Variants in CSMD1 observed in about 807,000 individuals in gnomAD.
The protein encoded by CSMD1 is CUB and Sushi multiple domains 1.
In CSMD1, 213 loss-of-function variants were observed where a neutral mutation model predicts 417.5. That is an observed-to-expected ratio of 0.51 (90% CI 0.46 to 0.57). CSMD1 has a LOEUF of 0.57. Among genes scored for constraint, CSMD1 ranks in the 20% least tolerant of loss-of-function variants. The probability of loss-of-function intolerance (pLI) is 0.00; values close to 1 mark genes in which losing one functional copy is unlikely to be tolerated. For missense variants in CSMD1, 6,923 were observed against 4,529.7 expected, an observed-to-expected ratio of 1.53 and a Z score of -15.17; for synonymous variants, 2,862 against 1,736.8, an observed-to-expected ratio of 1.65 and a Z score of -16.11.
At chr8:4,809,804 G>C (rs879707183) in intron 1 of CSMD1, among the ~76,000 whole-genome samples, 47 of 152,084 alleles carry the variant, frequency 3.1e-4, no homozygotes, top group Non-Finnish European at 7.4e-5. Flanking sequence ...TGTATTTTAT[G>C]CTTCTAGTAC....
At chr8:3,129,280 A>G (rs1163412209) in intron 41 of CSMD1, among the ~76,000 whole-genome samples, 1 of 152,188 alleles carries the variant, frequency 6.6e-6, no homozygotes, top group East Asian at 1.9e-4. Context: ...GATTTTTGTA[A>G]ATATTAAATA....
intron 2 of CSMD1, among the ~76,000 whole-genome samples, chr8:4,486,262 T>TATATATACATAC (rs1305451210): frequency 2.9e-5 from 4 of 135,608 alleles, no homozygotes; most frequent in African/African-American, 1.2e-4. Context: ...TATATATATA[T>TATATATACATAC]ATATATATAT....
chr8:4,343,338 C>A (rs557274830), intron 3 of CSMD1, among the ~76,000 whole-genome samples: 5 of 151,888 alleles, frequency 3.3e-5, no homozygotes, highest in African/African-American at 1.2e-4. Flanking sequence ...GAATACATTC[C>A]GGAGATCTAA....
At position 3,412,172 on chromosome 8, in the gene CSMD1, A is replaced by G. The variant is rs906527277; in HGVS notation, c.1562-2567T>C. On this transcript the variant is annotated intron_variant, in intron 12 of 69. Transcript: ENST00000635120. ...TATACACACGTATATATACATATAT[A>G]CATATATATACACACATATACATAC... 6.9e-5 allele frequency among the ~76,000 whole-genome samples: 10 copies of G among 145,472 alleles called. 2 individuals carry two copies. Among genetic ancestry groups the G allele is most frequent in the Admixed American group, 4.2e-4 (6 of 14,150 alleles).
intron 3 of CSMD1, among the ~76,000 whole-genome samples, chr8:4,352,147 A>G (rs1243670342): frequency 6.6e-6 from 1 of 152,192 alleles, no homozygotes; most frequent in African/African-American, 2.4e-5. Context: ...CCAACTCAGA[A>G]TATCATTTTT....
chr8:3,040,790 G>A (rs993376043), intron 50 of CSMD1, among the ~76,000 whole-genome samples: 3 of 151,836 alleles, frequency 2.0e-5, no homozygotes, highest in Non-Finnish European at 2.9e-5. Context: ...GTGGCAGAGT[G>A]AGACTCCAGC....
chr8:3,455,401 TCTC>T (rs1816047547), intron 12 of CSMD1, among the ~76,000 whole-genome samples: 1 of 152,212 alleles, frequency 6.6e-6, no homozygotes, highest in Non-Finnish European at 1.5e-5. Flanking sequence ...ATTTTTAGAG[TCTC>T]CAGTTTTTCT....
chr8:4,778,275 G>A (rs1328664717), intron 1 of CSMD1, among the ~76,000 whole-genome samples: 2 of 152,080 alleles, frequency 1.3e-5, no homozygotes, highest in African/African-American at 4.8e-5. Flanking sequence ...CACATGGGCT[G>A]GTCATCTAAT....
At chr8:4,273,039 A>G (rs1169121388) in intron 3 of CSMD1, among the ~76,000 whole-genome samples, 2 of 152,186 alleles carry the variant, frequency 1.3e-5, no homozygotes, top group Non-Finnish European at 1.5e-5. Flanking sequence ...TATCATTTAA[A>G]AATGGGGATC....
chr8:4,050,448 G>C (rs538567132), intron 3 of CSMD1, among the ~76,000 whole-genome samples: 1 of 151,582 alleles, frequency 6.6e-6, no homozygotes, highest in Non-Finnish European at 1.5e-5. Flanking sequence ...ATACTTATGG[G>C]GTACATATTT....
At chr8:3,167,958 G>A (rs993091660) in intron 37 of CSMD1, among the ~76,000 whole-genome samples, 4 of 151,926 alleles carry the variant, frequency 2.6e-5, no homozygotes, top group African/African-American at 7.3e-5. Flanking sequence ...AGGACAAATG[G>A]GACTTTTGTA....
intron 3 of CSMD1, among the ~76,000 whole-genome samples, chr8:4,193,611 G>A (rs985908899): frequency 6.6e-6 from 1 of 152,104 alleles, no homozygotes; most frequent in African/African-American, 2.4e-5. Context: ...GGCCCTCTGA[G>A]GAGCCAATGA....
At chr8:4,181,802 CTATGCAGCAAATG>C (rs1174755334) in intron 3 of CSMD1, among the ~76,000 whole-genome samples, 1 of 152,118 alleles carries the variant, frequency 6.6e-6, no homozygotes, top group African/African-American at 2.4e-5. Context: ...GACTAATTGA[CTATGCAGCAAATG>C]CAAATGTAAT....
intron 2 of CSMD1, among the ~76,000 whole-genome samples, chr8:4,484,957 G>T: frequency 1.1e-5 from 1 of 93,236 alleles, no homozygotes; most frequent in South Asian, 4.1e-4. Context: ...CTCCAACCTG[G>T]TTGACAGAGT....
intron 3 of CSMD1, among the ~76,000 whole-genome samples, chr8:4,406,025 T>G (rs1804993542): frequency 6.6e-6 from 1 of 152,222 alleles, no homozygotes; most frequent in Admixed American, 6.5e-5. Context: ...CAGACTGGCT[T>G]GTGTTAGAAC....
chr8:4,066,011 T>C (rs1243915193), intron 3 of CSMD1, among the ~76,000 whole-genome samples: 1 of 152,140 alleles, frequency 6.6e-6, no homozygotes, highest in Non-Finnish European at 1.5e-5. Flanking sequence ...TCTCCACGAA[T>C]ATCCTTGGAG....
intron 5 of CSMD1, among the ~76,000 whole-genome samples, chr8:3,854,108 T>C (rs1288747814): frequency 2.7e-5 from 4 of 146,086 alleles, no homozygotes; most frequent in Non-Finnish European, 4.5e-5. Flanking sequence ...ATACTTTATA[T>C]AGTTATATAT....
At chr8:4,282,262 G>C (rs1279629393) in intron 3 of CSMD1, among the ~76,000 whole-genome samples, 2 of 152,156 alleles carry the variant, frequency 1.3e-5, no homozygotes, top group Non-Finnish European at 2.9e-5. Flanking sequence ...TATAATCCAT[G>C]TGAACCTGTC....
intron 49 of CSMD1, among the ~76,000 whole-genome samples, chr8:3,069,845 T>C (rs1030273887): frequency 3.3e-5 from 5 of 152,254 alleles, no homozygotes; most frequent in Non-Finnish European, 7.3e-5. Flanking sequence ...GTGAGGGCTC[T>C]GCACCTGCAA....
Sources: allele counts gnomAD v4.1 joint callset (sites outside exome capture counted in the v4.1 genomes callset), GRCh38; gene constraint gnomAD v4.1.1; transcripts MANE v1.5; gene names NCBI Gene and HGNC (gene_info 2026-07-23, HGNC 2026-07-21).